Variants in LARS2 observed in about 807,000 individuals in gnomAD.
The protein encoded by LARS2 is leucyl-tRNA synthetase 2, mitochondrial.
In LARS2, 81 loss-of-function variants were observed where a neutral mutation model predicts 116.6. The observed-to-expected ratio is 0.69, with a 90% confidence interval of 0.58 to 0.84. LARS2 has a LOEUF of 0.84. Ranked by LOEUF, LARS2 falls within the 40% of genes least tolerant of loss-of-function variation. LARS2 has a pLI of 0.00. For missense variants in LARS2, 968 were observed against 1,114.5 expected, an observed-to-expected ratio of 0.87 and a Z score of 1.87; for synonymous variants, 396 against 407.2, an observed-to-expected ratio of 0.97 and a Z score of 0.33.
intron 19 of LARS2, among the ~76,000 whole-genome samples, chr3:45,523,314 T>C (rs1700481789): frequency 6.6e-6 from 1 of 152,144 alleles, no homozygotes; most frequent in Admixed American, 6.5e-5. Flanking sequence ...TTTAACACCT[T>C]TGAGCAGGTC....
intron 20 of LARS2, among the ~76,000 whole-genome samples, chr3:45,526,268 T>G (rs1700529654): frequency 6.6e-6 from 1 of 152,228 alleles, no homozygotes; most frequent in African/African-American, 2.4e-5. Context: ...CTAAGGAACC[T>G]CTCAAATGAA....
At chr3:45,533,605 C>G (rs549361204) in intron 20 of LARS2, among the ~76,000 whole-genome samples, 1 of 152,084 alleles carries the variant, frequency 6.6e-6, no homozygotes, top group African/African-American at 2.4e-5. Context: ...TGTCTACCTC[C>G]TTCATTTTGT....
At chr3:45,452,570 G>A (rs1559473895) in intron 7 of LARS2, among the ~76,000 whole-genome samples, 1 of 152,010 alleles carries the variant, frequency 6.6e-6, no homozygotes, top group African/African-American at 2.4e-5. Context: ...TTTTTAATGT[G>A]TTGTTGAATT....
chr3:45,453,296 A>G (rs1002376785), intron 7 of LARS2, among the ~76,000 whole-genome samples: 2 of 151,882 alleles, frequency 1.3e-5, no homozygotes, highest in African/African-American at 4.8e-5. Flanking sequence ...TCTCTCTTCA[A>G]AGTTCTTTTT....
intron 8 of LARS2, among the ~76,000 whole-genome samples, chr3:45,470,572 C>T (rs1461077086): frequency 6.6e-6 from 1 of 152,154 alleles, no homozygotes; most frequent in Admixed American, 6.5e-5. Flanking sequence ...TTGCAAACCA[C>T]ATTACTTCTA....
At chr3:45,416,620 C>G (rs1324615970) in intron 4 of LARS2, among the ~76,000 whole-genome samples, 1 of 152,246 alleles carries the variant, frequency 6.6e-6, no homozygotes, top group Non-Finnish European at 1.5e-5. Flanking sequence ...TCTGCACTGT[C>G]TGGTTCAGTG....
At chr3:45,501,725 C>T (rs1396380642) in intron 15 of LARS2, among the ~76,000 whole-genome samples, 1 of 152,168 alleles carries the variant, frequency 6.6e-6, no homozygotes, top group Non-Finnish European at 1.5e-5. Flanking sequence ...AGGATACGCA[C>T]GTGTTCAACT....
At chr3:45,427,825 CTTT>C (rs11456888) in intron 6 of LARS2, among the ~76,000 whole-genome samples, 3 of 141,748 alleles carry the variant, frequency 2.1e-5, no homozygotes, top group Admixed American at 7.0e-5. Flanking sequence ...CCTTTTTTTT[CTTT>C]TTTTTTTTTT....
intron 6 of LARS2, among the ~76,000 whole-genome samples, chr3:45,423,430 G>A (rs1485658387): frequency 1.1e-4 from 17 of 151,856 alleles, no homozygotes; most frequent in Admixed American, 8.5e-4. Flanking sequence ...CTTGTGCCTC[G>A]GCCTCCTCAG....
At chr3:45,505,747 G>C (rs968219061) in intron 15 of LARS2, among the ~76,000 whole-genome samples, 1 of 152,172 alleles carries the variant, frequency 6.6e-6, no homozygotes, top group East Asian at 1.9e-4. Context: ...AAGACCATAT[G>C]TAAGTGATTT....
intron 7 of LARS2, among the ~76,000 whole-genome samples, chr3:45,458,424 G>A (rs1699249838): frequency 6.6e-6 from 1 of 152,188 alleles, no homozygotes; most frequent in Admixed American, 6.5e-5. Flanking sequence ...CAGGCACAGT[G>A]GCTCACGCCT....
At chr3:45,463,669 A>C (rs1699372675) in intron 8 of LARS2, among the ~76,000 whole-genome samples, 1 of 151,692 alleles carries the variant, frequency 6.6e-6, no homozygotes, top group African/African-American at 2.4e-5. Flanking sequence ...GTCTGAATTC[A>C]TTCATTTTTT....
intron 15 of LARS2, among the ~76,000 whole-genome samples, chr3:45,503,883 C>T (rs1434647453): frequency 2.6e-5 from 4 of 152,062 alleles, no homozygotes; most frequent in Non-Finnish European, 4.4e-5. Flanking sequence ...CCTCCCTGCA[C>T]GCCACTCTTT....
intron 4 of LARS2, among the ~76,000 whole-genome samples, chr3:45,415,857 AAAAAT>A (rs1364836909): frequency 1.8e-4 from 19 of 102,998 alleles, no homozygotes; most frequent in African/African-American, 4.6e-4. Flanking sequence ...CAAAAAAAAA[AAAAAT>A]ATATATATAT....
At chr3:45,389,241 C>T (rs1697896880) in intron 1 of LARS2, 1 of 151,808 alleles carries the variant, frequency 6.6e-6, no homozygotes, top group African/African-American at 2.4e-5. Context: ...TGCTTCTCCC[C>T]TGTGTCCTGT....
chr3:45,548,872 TA>T lies in LARS2; in HGVS notation c.*1343del, dbSNP rs1700910280. The T allele has an allele frequency of 6.6e-6, 1 of 152,246 alleles. No individual in the cohort carries two copies. The highest frequency in any genetic ancestry group is 1.5e-5 in the Non-Finnish European group (1 of 68,048). The allele number at this position is 152,246 out of a possible 1,614,324, so 9.4% of individuals were successfully genotyped here. ...ATATGTGTGATCCTGGAATACACCA[TA>T]TTCCAATTTCAGAGTTAATTACAAA... is the stretch of plus-strand genomic sequence containing the variant. On this transcript the variant is annotated 3_prime_UTR_variant, in exon 22 of 22. Coordinates refer to ENST00000645846, the MANE Select transcript of LARS2 (RefSeq NM_015340.4).
intron 11 of LARS2, among the ~76,000 whole-genome samples, chr3:45,487,767 T>TG (rs1243404890): frequency 1.4e-5 from 1 of 72,372 alleles, no homozygotes; most frequent in Non-Finnish European, 4.1e-5. Context: ...ACCAAAGAGC[T>TG]GGGGGGAAAA....
At chr3:45,479,460 CTG>C (rs1317093295) in intron 10 of LARS2, among the ~76,000 whole-genome samples, 1 of 152,132 alleles carries the variant, frequency 6.6e-6, no homozygotes, top group Non-Finnish European at 1.5e-5. Context: ...TCTGAGAAGT[CTG>C]TGGAAGGCTG....
Position 45,548,018 on chromosome 3 carries a change from T to A in LARS2, c.*488T>A, listed in dbSNP as rs1226802944. ...AACTGAGCCTCCAGATGGTAGTGAA[T>A]GGTCTCTTTGCCTTCAGGCTGGATG... is the stretch of plus-strand genomic sequence containing the variant. On this transcript the variant is annotated 3_prime_UTR_variant, in exon 22 of 22. Transcript: ENST00000645846. The A allele has an allele frequency of 2.0e-5, 3 of 153,350 alleles. No homozygotes were observed. The highest frequency in any genetic ancestry group is 4.4e-5 in the Non-Finnish European group (3 of 68,898). The allele number at this position is 153,350 out of a possible 1,614,324, so 9.5% of individuals were successfully genotyped here. A position where few individuals can be genotyped will look rare whatever the true frequency, so the allele number is the denominator to read the frequency against.
Sources: allele counts gnomAD v4.1 joint callset (sites outside exome capture counted in the v4.1 genomes callset), GRCh38; gene constraint gnomAD v4.1.1; transcripts MANE v1.5; gene names NCBI Gene and HGNC (gene_info 2026-07-23, HGNC 2026-07-21).